Variants in HMX1 observed in about 807,000 individuals in gnomAD.
The protein encoded by HMX1 is homeobox protein HMX1.
A neutral mutation model predicts 8.9 loss-of-function variants in HMX1; 8 were observed. The ratio of observed to expected loss-of-function variants is 0.90; its 90% confidence interval spans 0.53 to 1.63. The LOEUF (loss-of-function observed/expected upper bound fraction) is 1.63, where lower values mean the gene tolerates loss of function less well. HMX1 is among the 40% of genes most tolerant of loss of function. The pLI, the probability that HMX1 is intolerant of heterozygous loss-of-function variation, is 0.00. For missense variants in HMX1, 621 were observed against 558.5 expected, an observed-to-expected ratio of 1.11 and a Z score of -1.13; for synonymous variants, 311 against 283.4, an observed-to-expected ratio of 1.10 and a Z score of -0.98.
chr4:8,855,102 C>T (rs1328764441), intron 1 of HMX1, among the ~76,000 whole-genome samples: 1 of 152,250 alleles, frequency 6.6e-6, no homozygotes, highest in Non-Finnish European at 1.5e-5. Flanking sequence ...ATGGGCTTCC[C>T]CCAGCGCCTG....
At chr4:8,869,409 G>C (rs1261250565) in intron 1 of HMX1, among the ~76,000 whole-genome samples, 1 of 152,230 alleles carries the variant, frequency 6.6e-6, no homozygotes, top group Non-Finnish European at 1.5e-5. Context: ...CAAAGGGCAG[G>C]CCCAGGTTGA....
rs961481774 is a variant in HMX1, at chr4:8,853,978, C to A, written c.395-7654G>T. Among the ~76,000 whole-genome samples, 13 of 152,202 alleles carry A rather than the reference C, an allele frequency of 8.5e-5. No individual in the cohort carries two copies. The highest frequency in any genetic ancestry group is 1.5e-5 in the Non-Finnish European group (1 of 68,032). On this transcript the variant is annotated intron_variant, in intron 1 of 1. Coordinates refer to the HMX1 transcript ENST00000506970. The surrounding 1 kb of genome is among the most constrained non-coding windows in gnomAD (Gnocchi z 4.7). ...CTTTTGCGTTTACATCTTGAACCAG[C>A]CTGAGAGGAAGTGTGTGCCCTGAGC...
chr4:8,857,915 G>A (rs992839953), intron 1 of HMX1, among the ~76,000 whole-genome samples: 3 of 152,204 alleles, frequency 2.0e-5, no homozygotes, highest in African/African-American at 7.2e-5. Flanking sequence ...GTCTCTACGG[G>A]CCAGTGGGTC....
chr4:8,871,339 C>T lies in HMX1; in HGVS notation c.276G>A (p.Leu92=), dbSNP rs1431792743. 2.3e-6 allele frequency: 3 copies of T among 1,308,762 alleles called. No homozygotes were observed. The highest frequency in any genetic ancestry group is 2.9e-6 in the Non-Finnish European group (3 of 1,033,652). 81.1% of individuals were successfully genotyped at this position (1,308,762 alleles called of 1,614,324 possible). The change falls in exon 1 of 2, where the codon CTG becomes CTA. Residue 92 remains leucine (L), a synonymous_variant. Coordinates refer to ENST00000400677, the MANE Select transcript of HMX1 (RefSeq NM_018942.3). The surrounding 1 kb of genome is among the most constrained non-coding windows in gnomAD (Gnocchi z 4.8). ...RARALLGPGA[L]GLGPRPPPGP... is the part of the protein sequence containing the mutation. ...CGGGGGGCGGCCGAGGACCGAGGCC[C>T]AGCGCGCCCGGCCCGAGCAGCGCAC...
At chr4:8,864,085 C>T (rs1721916465), downstream of HMX1, among the ~76,000 whole-genome samples, 1 of 152,166 alleles carries the variant, frequency 6.6e-6, no homozygotes, top group South Asian at 2.1e-4. Flanking sequence ...ACTGAGAGGC[C>T]CAGAGGAGGT....
rs778237993 is a variant in HMX1, at chr4:8,867,849, C to A, written c.891G>T (p.Gly297=). The part of the protein sequence containing the change: ...HESPPAAAAA[G]PPATLPFPLA... ...GCGGGAAGGGCAGGGTGGCCGGGGGCCCAGCGGCGGCTGCGGCCGGGGGGC... is the reference window on the plus strand; with the variant it reads ...GCGGGAAGGGCAGGGTGGCCGGGGGACCAGCGGCGGCTGCGGCCGGGGGGC... Residue 297 remains glycine (G), a synonymous_variant, in exon 2 of 2, where the codon GGG becomes GGT. Transcript: ENST00000400677. The A allele has an allele frequency of 1.6e-6, 2 of 1,239,972 alleles. No individual in the cohort carries two copies. The highest frequency in any genetic ancestry group is 6.4e-5 in the East Asian group (2 of 31,082). 76.8% of individuals were successfully genotyped at this position (1,239,972 alleles called of 1,614,324 possible).
chr4:8,861,180 C>G (rs1393891403), intron 1 of HMX1, among the ~76,000 whole-genome samples: 1 of 152,160 alleles, frequency 6.6e-6, no homozygotes, highest in Non-Finnish European at 1.5e-5. Context: ...CCGCTGCCCT[C>G]CTCTACCTGC....
intron 1 of HMX1, among the ~76,000 whole-genome samples, chr4:8,850,452 C>T (rs556726604): frequency 2.0e-5 from 3 of 152,296 alleles, no homozygotes; most frequent in Non-Finnish European, 2.9e-5. Flanking sequence ...ACCCTGACCT[C>T]GGGCTGCAGG....
chr4:8,854,160 G>T (rs1006133904), intron 1 of HMX1, among the ~76,000 whole-genome samples: 1 of 152,158 alleles, frequency 6.6e-6, no homozygotes, highest in Non-Finnish European at 1.5e-5. Flanking sequence ...TGCCCTCCAG[G>T]AGCTCGCAGC....
In HMX1 at chr4:8,847,562, G is replaced by C. The variant is rs1367758239; in HGVS notation, c.395-1238C>G. Among the ~76,000 whole-genome samples, 1 of 152,186 alleles carries C rather than the reference G, an allele frequency of 6.6e-6. No individual in the cohort carries two copies. The highest frequency in any genetic ancestry group is 1.9e-4 in the East Asian group (1 of 5,178). On this transcript the variant is annotated intron_variant, in intron 1 of 1. Coordinates refer to the HMX1 transcript ENST00000506970. This position sits in a 1 kb window ranked among gnomAD's most constrained non-coding sequence, Gnocchi z 6.0. ...GGCGGACCTGAAGGAACATCGGCCA[G>C]ACACTGGACACGTGCAAACCACCCC...
downstream of HMX1, among the ~76,000 whole-genome samples, chr4:8,864,929 C>A (rs968378371): frequency 2.0e-5 from 3 of 152,240 alleles, no homozygotes; most frequent in Non-Finnish European, 4.4e-5. Flanking sequence ...CCACTCTCTC[C>A]AAATCTACCC....
chr4:8,858,529 GC>G (rs1721688927), intron 1 of HMX1, among the ~76,000 whole-genome samples: 1 of 152,180 alleles, frequency 6.6e-6, no homozygotes, highest in South Asian at 2.1e-4. Context: ...CCGGCAGGAG[GC>G]CTAGGTCCAT....
chr4:8,855,156 G>C (rs370107328), intron 1 of HMX1, among the ~76,000 whole-genome samples: 1 of 152,238 alleles, frequency 6.6e-6, no homozygotes, highest in African/African-American at 2.4e-5. Flanking sequence ...AGCCCGTCAG[G>C]CTCCTGCTCC....
rs541774395 is a variant in HMX1 at position 8,853,624 on chromosome 4, G to A, written c.395-7300C>T. On this transcript the variant is annotated intron_variant, in intron 1 of 1. Transcript: ENST00000506970. The surrounding 1 kb of genome is among the most constrained non-coding windows in gnomAD (Gnocchi z 4.7). ...CCCAGCACTTTGGCAGGCCAAGGCG[G>A]GCGGATCACCTGAGGTCAGGAGTTC... Among the ~76,000 whole-genome samples the A allele has an allele frequency of 9.2e-5, 14 of 152,322 alleles. No individual in the cohort carries two copies. The highest frequency in any genetic ancestry group is 3.4e-3 in the Middle Eastern group (1 of 294).
Position 8,848,982 on chromosome 4 carries a change from G to A in HMX1, c.395-2658C>T, listed in dbSNP as rs540687439. Among the ~76,000 whole-genome samples the A allele has an allele frequency of 1.3e-5, 2 of 152,298 alleles. No homozygotes were observed. Among genetic ancestry groups the A allele is most frequent in the African/African-American group, 4.8e-5 (2 of 41,578 alleles). On this transcript the variant is annotated intron_variant, in intron 1 of 1. Transcript: ENST00000506970. This position sits in a 1 kb window ranked among gnomAD's most constrained non-coding sequence, Gnocchi z 4.1. ...ACCTGTCCAGCTCACGTTACCGCAG[G>A]AGCAATTCCTCCTCTCTGAACAGAG...
At chr4:8,851,991 C>T (rs751160598) in intron 1 of HMX1, among the ~76,000 whole-genome samples, 2 of 152,252 alleles carry the variant, frequency 1.3e-5, no homozygotes, top group Non-Finnish European at 2.9e-5. Context: ...CCATAAAGGG[C>T]TCAAGCTGGT....
At position 8,853,306 on chromosome 4, in the gene HMX1, C is replaced by G. The variant is rs979084054; in HGVS notation, c.395-6982G>C. Among the ~76,000 whole-genome samples the G allele has an allele frequency of 6.6e-6, 1 of 152,196 alleles. No homozygotes were observed. Among genetic ancestry groups the G allele is most frequent in the Admixed American group, 6.5e-5 (1 of 15,272 alleles). On this transcript the variant is annotated intron_variant, in intron 1 of 1. Transcript: ENST00000506970. This position sits in a 1 kb window ranked among gnomAD's most constrained non-coding sequence, Gnocchi z 4.7. ...CTGGCTCCTTCTATCCGAGGCTCTGCTTTGCTGTAACTAAATTGTCCTCAC... is the reference window on the plus strand; with the variant it reads ...CTGGCTCCTTCTATCCGAGGCTCTGGTTTGCTGTAACTAAATTGTCCTCAC...
At chr4:8,863,804 G>C (rs1268179010), downstream of HMX1, among the ~76,000 whole-genome samples, 2 of 152,260 alleles carry the variant, frequency 1.3e-5, no homozygotes, top group African/African-American at 2.4e-5. Context: ...GGCCCAGGTC[G>C]GCCTCCAGGA....
downstream of HMX1, among the ~76,000 whole-genome samples, chr4:8,865,203 G>A (rs1721956415): frequency 1.3e-5 from 2 of 152,204 alleles, no homozygotes; most frequent in Non-Finnish European, 2.9e-5. Flanking sequence ...GCGCTAAGAG[G>A]CACCCTGCAG....
Sources: allele counts gnomAD v4.1 joint callset (sites outside exome capture counted in the v4.1 genomes callset), GRCh38; gene constraint gnomAD v4.1.1; non-coding constraint Gnocchi (gnomAD v3.1); transcripts MANE v1.5; gene names NCBI Gene and HGNC (gene_info 2026-07-23, HGNC 2026-07-21).